The following PHF20L1 variants were observed in gnomAD, a reference collection of about 807,000 sequenced individuals.
PHF20L1 encodes the protein PHD finger protein 20 like 1, also known as PHD finger protein 20-like protein 1.
PHF20L1 carries 44 observed loss-of-function variants against 125.5 expected under a neutral mutation model. The ratio of observed to expected loss-of-function variants is 0.35; its 90% CI spans 0.28 to 0.45. The LOEUF is 0.45. Among genes scored for constraint, PHF20L1 ranks in the 20% least tolerant of loss-of-function variants. The probability of loss-of-function intolerance (pLI) is 1.00; values close to 1 mark genes in which losing one functional copy is unlikely to be tolerated. For missense variants in PHF20L1, 1,012 were observed against 1,217.2 expected, an observed-to-expected ratio of 0.83 and a Z score of 2.51; for synonymous variants, 380 against 403.1, an observed-to-expected ratio of 0.94 and a Z score of 0.69.
intron 9 of PHF20L1, chr8:132,812,531 C>T (rs959152779): frequency 2.0e-6 from 2 of 984,724 alleles, no homozygotes; most frequent in African/African-American, 1.7e-5. Context: ...GAGTCCTTGC[C>T]AGTTTTGTAA....
intron 9 of PHF20L1, chr8:132,811,887 A>G: frequency 1.0e-6 from 1 of 976,630 alleles, no homozygotes; most frequent in Non-Finnish European, 1.2e-6. Flanking sequence ...TCCTTTTTGT[A>G]TTACTTTTCT....
In PHF20L1 at chr8:132,846,803, C is replaced by T. The variant is rs1838450654; in HGVS notation, c.*880C>T. 6.7e-6 allele frequency: 1 copy of T among 149,594 alleles called. No individual in the cohort carries two copies. The highest frequency in any genetic ancestry group is 1.5e-5 in the Non-Finnish European group (1 of 67,360). The allele number at this position is 149,594 out of a possible 1,614,324, so 9.3% of individuals were successfully genotyped here. A position where few individuals can be genotyped will look rare whatever the true frequency, so the allele number is the denominator to read the frequency against. ...ATTCAGGCTCAACGTACAGTTTGATCCTGAGTATGCTTGGTGTTTGCCTTC... is the reference window on the plus strand; with the variant it reads ...ATTCAGGCTCAACGTACAGTTTGATTCTGAGTATGCTTGGTGTTTGCCTTC... On this transcript the variant is annotated 3_prime_UTR_variant, in exon 21 of 21. Coordinates refer to ENST00000395386, the MANE Select transcript of PHF20L1 (RefSeq NM_016018.5).
chr8:132,843,012 T>C (rs1838085820), intron 19 of PHF20L1, 137 bp downstream of exon 19: 4 of 1,391,236 alleles, frequency 2.9e-6, no homozygotes, highest in Non-Finnish European at 3.7e-6. Context: ...AGTAAGGAGA[T>C]TTTTTTGTTT....
intron 14 of PHF20L1, among the ~76,000 whole-genome samples, chr8:132,828,910 T>C (rs983036201): frequency 3.3e-5 from 5 of 152,184 alleles, no homozygotes; most frequent in African/African-American, 1.2e-4. Flanking sequence ...TTGAAGTATA[T>C]GGTAAGAGAG....
chr8:132,817,206 T>C (rs921461643), intron 11 of PHF20L1, 130 bp downstream of exon 11: 49 of 910,254 alleles, frequency 5.4e-5, no homozygotes, highest in Middle Eastern at 3.3e-4. Context: ...ACTTCACTTA[T>C]TCTACAAATA....
intron 10 of PHF20L1, 88 bp downstream of exon 10, chr8:132,814,977 G>A (rs528284292): frequency 9.0e-7 from 1 of 1,116,178 alleles, no homozygotes; most frequent in East Asian, 2.6e-5. Context: ...TTTTTATGAA[G>A]TTGCTTTTTA....
At chr8:132,804,876 TCTTCAAGGTC>T in intron 8 of PHF20L1, 136 bp downstream of exon 8, 1 of 735,910 alleles carries the variant, frequency 1.4e-6, no homozygotes, top group Non-Finnish European at 2.2e-6. Flanking sequence ...ACTTTGTGGT[TCTTCAAGGTC>T]AATGTCTTTC....
chr8:132,838,983 G>T (rs1837653697), intron 17 of PHF20L1, among the ~76,000 whole-genome samples: 1 of 152,134 alleles, frequency 6.6e-6, no homozygotes, highest in South Asian at 2.1e-4. Flanking sequence ...TGGGGGAAGG[G>T]TTCCTATTCA....
intron 18 of PHF20L1, among the ~76,000 whole-genome samples, 158 bp downstream of exon 18, chr8:132,839,740 T>G (rs1837735446): frequency 6.6e-6 from 1 of 152,134 alleles, no homozygotes; most frequent in Non-Finnish European, 1.5e-5. Context: ...ATTAACAACC[T>G]TTTGGATGCG....
chr8:132,789,063 A>C (rs1033619249), intron 2 of PHF20L1: 1 of 152,180 alleles, frequency 6.6e-6, no homozygotes, highest in Admixed American at 6.5e-5. Flanking sequence ...ATTCACTGGT[A>C]ATAATTCCCA....
chr8:132,845,899 G>A lies in PHF20L1; in HGVS notation c.3030G>A (p.Gln1010=), dbSNP rs1053079412. ...TAATTGACATGGGCAAAGTACAGCA[G>A]ATAGCAACTCTTTGCTCTGTATGAC... ...QLLIDMGKVQ[Q]IATLCSV The change falls in exon 21 of 21, where the codon CAG becomes CAA. Residue 1010 remains glutamine, a synonymous_variant. Coordinates refer to ENST00000395386, the MANE Select transcript of PHF20L1 (RefSeq NM_016018.5). 7 of 1,611,980 alleles carry A rather than the reference G, an allele frequency of 4.3e-6. No individual in the cohort carries two copies. In the Admixed American group the frequency reaches 8.4e-5, roughly 19 times the overall value.
rs1177583827 is a variant in PHF20L1, at chr8:132,794,830, A to C, written c.340+13A>C. ...ATTAACAAAGAAGGTATGTGTTTGA[A>C]ATGATCTGAGACTTAAAATTAGATT... On this transcript the variant is annotated intron_variant, in intron 4 of 20. Transcript: ENST00000395386. The C allele has an allele frequency of 6.5e-7, 1 of 1,541,972 alleles. No homozygotes were observed. The highest frequency in any genetic ancestry group is 2.2e-5 in the East Asian group (1 of 44,524).
intron 6 of PHF20L1, among the ~76,000 whole-genome samples, chr8:132,802,141 A>G (rs1163859560): frequency 3.6e-5 from 4 of 111,704 alleles, no homozygotes; most frequent in Admixed American, 1.8e-4. Flanking sequence ...TTCTCTCTCA[A>G]TCCTTTTTTT....
Position 132,838,272 on chromosome 8 carries a change from C to G in PHF20L1, c.2191+461C>G, listed in dbSNP as rs540135784. ...GGAGAAGAATTAATTAGCCTCTGTT[C>G]CTCTGTATCCATTTCTAGCTAGGCT... On this transcript the variant is annotated intron_variant, in intron 17 of 20. Coordinates refer to ENST00000395386, the MANE Select transcript of PHF20L1 (RefSeq NM_016018.5). 2.9e-5 allele frequency: 5 copies of G among 175,238 alleles called. No individual in the cohort carries two copies. The South Asian group carries it at 6.6e-4, about 23-fold the overall frequency. The allele number at this position is 175,238 out of a possible 1,614,324, so 10.9% of individuals were successfully genotyped here.
chr8:132,811,534 A>C (rs905149528), intron 9 of PHF20L1: 2 of 987,378 alleles, frequency 2.0e-6, no homozygotes, highest in Non-Finnish European at 2.4e-6. Context: ...TGGTGTTGTT[A>C]GACTGACTAT....
chr8:132,836,594 G>T lies in PHF20L1; in HGVS notation c.1964G>T (p.Ser655Ile). ...DDSSTESLLL[S>I]GDEYNQDFDS... ...TCTTCAACGGAGAGTTTGCTTCTGA[G>T]TGGGGATGAATACAATCAGGACTTT... Residue 655 changes from serine (S) to isoleucine (I), a missense_variant, in exon 16 of 21, where the codon AGT becomes ATT. Ser to Ile is a moderately radical substitution (Grantham distance 142, BLOSUM62 -2). Around this residue, in one of 7 missense-constraint regions of PHF20L1, gnomAD observed 320 missense variants for 293.8 expected, o/e 1.09. Coordinates refer to ENST00000395386, the MANE Select transcript of PHF20L1 (RefSeq NM_016018.5). The T allele has an allele frequency of 6.2e-7, 1 of 1,612,338 alleles. No individual in the cohort carries two copies. Among genetic ancestry groups the T allele is most frequent in the Non-Finnish European group, 8.5e-7 (1 of 1,178,646 alleles).
Position 132,839,490 on chromosome 8 carries a change from C to T in PHF20L1, c.2295C>T (p.Ala765=), listed in dbSNP as rs1735225860. Residue 765 remains alanine (A), a synonymous_variant, in exon 18 of 21, where the codon GCC becomes GCT. Transcript: ENST00000395386. ...AAGAAAATTATTCTCATCTCAATGC[C>T]AAAAAGATAGTTTCTACACATCACC... ...FFKENYSHLN[A]KKIVSTHHLL... The T allele has an allele frequency of 6.2e-7, 1 of 1,613,038 alleles. No homozygotes were observed. Among genetic ancestry groups the T allele is most frequent in the Non-Finnish European group, 8.5e-7 (1 of 1,179,232 alleles).
At chr8:132,839,909 C>G (rs1837758152) in intron 18 of PHF20L1, among the ~76,000 whole-genome samples, 1 of 151,954 alleles carries the variant, frequency 6.6e-6, no homozygotes, top group Admixed American at 6.6e-5. Context: ...TACGTTGTGT[C>G]CTCCTTCAGG....
intron 18 of PHF20L1, among the ~76,000 whole-genome samples, chr8:132,840,607 C>G (rs1413761087): frequency 6.6e-6 from 1 of 152,128 alleles, no homozygotes; most frequent in Non-Finnish European, 1.5e-5. Context: ...AATCCCTGTG[C>G]TTTTTCCCCC....
Sources: allele counts gnomAD v4.1 joint callset (sites outside exome capture counted in the v4.1 genomes callset), GRCh38; gene constraint gnomAD v4.1.1; regional missense constraint gnomAD v4.1.1; transcripts MANE v1.5; gene names NCBI Gene and HGNC (gene_info 2026-07-23, HGNC 2026-07-21).